RNPS1: variants seen among roughly 807,000 people sequenced by gnomAD.
The protein encoded by RNPS1 is RNA binding protein with serine rich domain 1, also known as RNA-binding protein with serine-rich domain 1.
For synonymous variants in RNPS1, 147 were observed against 150.0 expected (o/e 0.98, Z 0.15); for missense variants, 300 against 427.6 (o/e 0.70, Z 2.63).
At chr16:2,259,665 G>A (rs1323510873) in intron 6 of RNPS1, among the ~76,000 whole-genome samples, 4 of 152,272 alleles carry the variant, frequency 2.6e-5, no homozygotes, top group South Asian at 2.1e-4. Context: ...TGAGGCGGGC[G>A]GATCACGAGG....
At chr16:2,267,504 A>C (rs1567330885) in intron 1 of RNPS1, 1 of 1,011,194 alleles carries the variant, frequency 9.9e-7, no homozygotes, top group Non-Finnish European at 1.2e-6. Flanking sequence ...CGATAATTGC[A>C]CACGGGAGTC....
At position 2,262,972 on chromosome 16, in the gene RNPS1, A is replaced by G. The variant is rs565223968; in HGVS notation, c.419+124T>C. ...AAGACTTTCCTGCTAGTTCACATAC[A>G]TTATTCCTGTCTCAGAAATCCTATT... On this transcript the variant is annotated intron_variant, in intron 4 of 7. Transcript: ENST00000320225. 9.1e-5 allele frequency: 120 copies of G among 1,318,876 alleles called. No individual in the cohort carries two copies. The East Asian group carries it at 1.5e-3, about 17-fold the overall frequency. The allele number at this position is 1,318,876 out of a possible 1,614,324, so 81.7% of individuals were successfully genotyped here. A position where few individuals can be genotyped will look rare whatever the true frequency, so the allele number is the denominator to read the frequency against.
intron 1 of RNPS1, chr16:2,267,601 C>T: frequency 9.3e-7 from 1 of 1,071,326 alleles, no homozygotes; most frequent in South Asian, 2.9e-5. Context: ...CAAAGAAACT[C>T]CGCGCCCGCC....
chr16:2,254,088 C>A, intron 7 of RNPS1, 25 bp from the exon 8 acceptor site: 2 of 1,434,974 alleles, frequency 1.4e-6, no homozygotes, highest in South Asian at 3.0e-5. Context: ...GAAACCACAT[C>A]AGAGTAGCTC....
Position 2,268,072 on chromosome 16 carries a change from A to C in RNPS1, c.-135T>G, listed in dbSNP as rs1319241750. 6.5e-7 allele frequency: 1 copy of C among 1,534,628 alleles called. No homozygotes were observed. The highest frequency in any genetic ancestry group is 1.4e-5 in the African/African-American group (1 of 72,790). ...CAACTTACATCTTCCCGCCGCCGCC[A>C]CCTCCTCCTGCTTTCCTCAGCCGCC... On this transcript the variant is annotated 5_prime_UTR_variant, in exon 1 of 8. Coordinates refer to ENST00000320225, the MANE Select transcript of RNPS1 (RefSeq NM_080594.4).
At chr16:2,261,847 G>A (rs1376335048) in intron 6 of RNPS1, among the ~76,000 whole-genome samples, 3 of 152,142 alleles carry the variant, frequency 2.0e-5, no homozygotes, top group African/African-American at 7.2e-5. Context: ...TTTAAATTAA[G>A]TCAATTTACT....
chr16:2,256,678 G>C (rs905897663), intron 6 of RNPS1: 1 of 152,452 alleles, frequency 6.6e-6, no homozygotes, highest in Non-Finnish European at 1.5e-5. Flanking sequence ...CATCGAGAGC[G>C]AGTGACAGGC....
chr16:2,259,996 A>C (rs892502193), intron 6 of RNPS1, among the ~76,000 whole-genome samples: 1 of 152,228 alleles, frequency 6.6e-6, no homozygotes, highest in Non-Finnish European at 1.5e-5. Flanking sequence ...TTTGCTTAAA[A>C]TATTCCTAAT....
intron 6 of RNPS1, among the ~76,000 whole-genome samples, chr16:2,261,793 A>C (rs1256003934): frequency 2.0e-5 from 3 of 152,226 alleles, no homozygotes; most frequent in African/African-American, 7.2e-5. Context: ...GCTGTGATTT[A>C]GCAGAAGGCA....
At chr16:2,262,149 C>T in intron 6 of RNPS1, 129 bp downstream of exon 6, 1 of 962,140 alleles carries the variant, frequency 1.0e-6, no homozygotes, top group Non-Finnish European at 1.5e-6. Flanking sequence ...GCACCCCAGC[C>T]TGGGCAACAA....
At chr16:2,265,669 G>C (rs1268980616) in intron 1 of RNPS1, 2 of 152,120 alleles carry the variant, frequency 1.3e-5, no homozygotes, top group African/African-American at 2.4e-5. Flanking sequence ...ATTTTCAGTA[G>C]AGACAGGGTT....
intron 1 of RNPS1, chr16:2,266,324 G>A: frequency 1.0e-6 from 1 of 985,438 alleles, no homozygotes; most frequent in Non-Finnish European, 1.2e-6. Context: ...TTTTGCTTTA[G>A]AACAGTAAGG....
In RNPS1 at chr16:2,268,098, G is replaced by A. The variant is rs1338627999; in HGVS notation, c.-161C>T. 8 of 1,535,368 alleles carry A rather than the reference G, an allele frequency of 5.2e-6. No individual in the cohort carries two copies. The East Asian group carries it at 2.0e-4, about 38-fold the overall frequency. On this transcript the variant is annotated 5_prime_UTR_variant, in exon 1 of 8. Coordinates refer to ENST00000320225, the MANE Select transcript of RNPS1 (RefSeq NM_080594.4). ...CCTCCTCCTGCTTTCCTCAGCCGCC[G>A]AGGCCGGCGCCGCTCTGACGTCAGA...
At chr16:2,254,454 C>T (rs1175013687) in intron 7 of RNPS1, among the ~76,000 whole-genome samples, 1 of 152,060 alleles carries the variant, frequency 6.6e-6, no homozygotes, top group African/African-American at 2.4e-5. Context: ...CCACCACGCA[C>T]AGCTAATTTT....
intron 1 of RNPS1, chr16:2,266,182 C>A (rs2093624355): frequency 2.0e-6 from 2 of 985,396 alleles, no homozygotes; most frequent in Non-Finnish European, 2.4e-6. Context: ...GCAGTGCACG[C>A]CAGGGGTGCT....
chr16:2,267,087 C>T (rs1288762216), intron 1 of RNPS1: 4 of 780,820 alleles, frequency 5.1e-6, no homozygotes, highest in East Asian at 2.6e-4. Flanking sequence ...TTCTTAAGCA[C>T]TCCAAACACT....
intron 1 of RNPS1, chr16:2,265,475 A>G (rs936752111): frequency 6.8e-6 from 1 of 147,774 alleles, no homozygotes; most frequent in Non-Finnish European, 1.5e-5. Flanking sequence ...CTTATAGACT[A>G]TTAACCTCTG....
In RNPS1 at chr16:2,254,047, G is replaced by A. The variant is rs776684078; in HGVS notation, c.835C>T (p.Arg279Cys). ...GATCTCCGGCGCACGGGGGACCTGC[G>A]CCTCGGGGAGCGGGACCTGCGGGAA... ...RMRRRSRSPR[R>C]RSPVRRRSRS... Residue 279 changes from arginine to cysteine, a missense_variant, in exon 8 of 8, where the codon CGC becomes TGC. Physicochemically the swap from Arg to Cys is radical, Grantham distance 180. Transcript: ENST00000320225. 4.7e-6 allele frequency: 7 copies of A among 1,490,196 alleles called. No individual in the cohort carries two copies. The highest frequency in any genetic ancestry group is 1.4e-5 in the African/African-American group (1 of 70,898). The allele number at this position is 1,490,196 out of a possible 1,614,324, so 92.3% of individuals were successfully genotyped here. A position where few individuals can be genotyped will look rare whatever the true frequency, so the allele number is the denominator to read the frequency against.
intron 6 of RNPS1, chr16:2,256,063 T>C (rs911032690): frequency 2.4e-5 from 7 of 294,842 alleles, no homozygotes; most frequent in African/African-American, 1.2e-4. Context: ...AGGCAGAGGC[T>C]GCAGTAAGCA....
Sources: allele counts gnomAD v4.1 joint callset (sites outside exome capture counted in the v4.1 genomes callset), GRCh38; gene constraint gnomAD v4.1.1; transcripts MANE v1.5; gene names NCBI Gene and HGNC (gene_info 2026-07-23, HGNC 2026-07-21).